RANBP2: variants seen among roughly 807,000 people sequenced by gnomAD.
The protein encoded by RANBP2 is E3 SUMO-protein ligase RanBP2.
Under a neutral mutation model 303.6 loss-of-function variants are expected in RANBP2, and 57 were observed. The observed-to-expected ratio is 0.19, with a 90% CI of 0.15 to 0.23. The LOEUF is 0.23. Among genes scored for constraint, RANBP2 ranks in the 10% least tolerant of loss-of-function variants. RANBP2 has a pLI of 1.00. For missense variants in RANBP2, 3,138 were observed against 3,780.8 expected, an observed-to-expected ratio of 0.83 and a Z score of 4.46; for synonymous variants, 1,167 against 1,301.5, an observed-to-expected ratio of 0.90 and a Z score of 2.23.
the RANBP2 span, among the ~76,000 whole-genome samples, chr2:109,684,245 C>CTTTTTTTTT: frequency 0.061 from 5,324 of 87,060 alleles, 840 homozygotes; most frequent in African/African-American, 0.16. Flanking sequence ...CCCGGTCTTA[C>CTTTTTTTTT]TTTTTTTTTT....
At chr2:109,296,739 A>G in the RANBP2 span, among the ~76,000 whole-genome samples, 1 of 152,146 alleles carries the variant, frequency 6.6e-6, no homozygotes, top group South Asian at 2.1e-4. Context: ...AGGGGAGTGC[A>G]GAGGATTCGC....
chr2:109,589,163 G>C, the RANBP2 span, among the ~76,000 whole-genome samples: 65 of 151,978 alleles, frequency 4.3e-4, no homozygotes, highest in East Asian at 0.011. Flanking sequence ...TCTTTTTTGA[G>C]ATGGAGTCTC....
the RANBP2 span, among the ~76,000 whole-genome samples, chr2:109,570,981 G>A: frequency 6.6e-6 from 1 of 152,146 alleles, no homozygotes; most frequent in Admixed American, 6.5e-5. Context: ...CAGTGTTGGA[G>A]GGGTCTGGTG....
At chr2:108,788,125 A>C (rs1679226319), downstream of RANBP2, 2 of 1,588,950 alleles carry the variant, frequency 1.3e-6, no homozygotes, top group East Asian at 4.5e-5. Flanking sequence ...GGGTTTCAAA[A>C]ATTTAATTTG....
the RANBP2 span, among the ~76,000 whole-genome samples, chr2:108,795,174 C>CTTT: frequency 6.5e-4 from 11 of 17,048 alleles, no homozygotes; most frequent in African/African-American, 9.1e-4. Context: ...TTTTTTTTTG[C>CTTT]GATGGAATCT....
chr2:109,610,639 C>G, the RANBP2 span, among the ~76,000 whole-genome samples: 1 of 152,048 alleles, frequency 6.6e-6, no homozygotes, highest in South Asian at 2.1e-4. Context: ...TCGCTTGAAC[C>G]AGGGAGGTGG....
chr2:109,716,689 G>C, the RANBP2 span, among the ~76,000 whole-genome samples: 1 of 152,208 alleles, frequency 6.6e-6, no homozygotes, highest in Non-Finnish European at 1.5e-5. Context: ...TGGGACTACA[G>C]GCACGCACCA....
chr2:109,475,830 C>T, the RANBP2 span, among the ~76,000 whole-genome samples: 7 of 152,192 alleles, frequency 4.6e-5, no homozygotes, highest in Non-Finnish European at 7.4e-5. Flanking sequence ...CACTCTGGGG[C>T]CTGGCTGCCT....
chr2:109,140,124 A>AC, the RANBP2 span, among the ~76,000 whole-genome samples: 1 of 152,142 alleles, frequency 6.6e-6, no homozygotes, highest in African/African-American at 2.4e-5. Flanking sequence ...CCCTCTGTCC[A>AC]CCGTCCCCTC....
chr2:109,366,170 G>C, the RANBP2 span, among the ~76,000 whole-genome samples: 1 of 151,978 alleles, frequency 6.6e-6, no homozygotes, highest in African/African-American at 2.4e-5. Flanking sequence ...ACTTTTTCTA[G>C]GTATATATAT....
At chr2:109,397,787 G>A in the RANBP2 span, among the ~76,000 whole-genome samples, 357 of 152,340 alleles carry the variant, frequency 2.3e-3, 2 homozygotes, top group African/African-American at 7.0e-3. Context: ...TGGCTTAGCC[G>A]GCCAGGAGGG....
chr2:108,853,865 ATATATACTATATAATATAT>A, the RANBP2 span, among the ~76,000 whole-genome samples: 1 of 127,688 alleles, frequency 7.8e-6, no homozygotes, highest in Non-Finnish European at 1.6e-5. Context: ...TATATATAAT[ATATATACTATATAATATAT>A]TATATAGTAT....
intron 1 of RANBP2, 67 bp downstream of exon 1, chr2:108,719,745 G>T: frequency 6.5e-7 from 1 of 1,546,608 alleles, no homozygotes; most frequent in Non-Finnish European, 8.7e-7. Context: ...CTGCTCAGGC[G>T]TCATGGCTCC....
chr2:109,532,947 C>G, the RANBP2 span, among the ~76,000 whole-genome samples: 1 of 152,212 alleles, frequency 6.6e-6, no homozygotes. Context: ...TCAATAAACA[C>G]TCACTGGCCA....
chr2:109,674,346 T>C, the RANBP2 span, among the ~76,000 whole-genome samples: 1 of 132,434 alleles, frequency 7.6e-6, no homozygotes, highest in Non-Finnish European at 1.5e-5. Context: ...GGGTGAGGCA[T>C]GAAGATCGCT....
At chr2:109,548,118 T>G in the RANBP2 span, among the ~76,000 whole-genome samples, 4 of 144,640 alleles carry the variant, frequency 2.8e-5, no homozygotes, top group South Asian at 9.6e-4. Context: ...CTGCATGCAG[T>G]TCAGAGAGAC....
At chr2:109,061,775 C>T in the RANBP2 span, among the ~76,000 whole-genome samples, 22 of 152,138 alleles carry the variant, frequency 1.4e-4, no homozygotes, top group African/African-American at 5.3e-4. Context: ...ATGTGGGGCA[C>T]TGACCTCATT....
the RANBP2 span, among the ~76,000 whole-genome samples, chr2:109,290,938 C>G: frequency 6.6e-6 from 1 of 152,250 alleles, no homozygotes; most frequent in Non-Finnish European, 1.5e-5. Flanking sequence ...CTGCTTTTTA[C>G]TGTTTTCCTG....
chr2:109,706,796 T>C, the RANBP2 span, among the ~76,000 whole-genome samples: 1 of 152,194 alleles, frequency 6.6e-6, no homozygotes, highest in African/African-American at 2.4e-5. Flanking sequence ...TTACTTCAGA[T>C]ACAAGGATGG....
Sources: allele counts gnomAD v4.1 joint callset (sites outside exome capture counted in the v4.1 genomes callset), GRCh38; gene constraint gnomAD v4.1.1; transcripts MANE v1.5; gene names NCBI Gene and HGNC (gene_info 2026-07-23, HGNC 2026-07-21).